The following SCAPER variants were observed in gnomAD, a reference collection of about 807,000 sequenced individuals.
The protein encoded by SCAPER is S phase cyclin A-associated protein in the endoplasmic reticulum.
SCAPER carries 98 observed loss-of-function variants against 182.2 expected under a neutral mutation model. The ratio of observed to expected loss-of-function variants is 0.54; its 90% confidence interval spans 0.46 to 0.64. The LOEUF (loss-of-function observed/expected upper bound fraction) is 0.64. Among genes scored for constraint, SCAPER ranks in the 30% least tolerant of loss-of-function variants. SCAPER has a pLI of 0.00. For missense variants in SCAPER, 1,432 were observed against 1,690.0 expected, an observed-to-expected ratio of 0.85 and a Z score of 2.68; for synonymous variants, 605 against 564.6, an observed-to-expected ratio of 1.07 and a Z score of -1.01.
chr15:76,805,373 T>A (rs566701692), intron 5 of SCAPER, among the ~76,000 whole-genome samples: 1 of 152,276 alleles, frequency 6.6e-6, no homozygotes, highest in East Asian at 1.9e-4. Context: ...CATTTTACAT[T>A]CCCAGCAGCA....
chr15:76,846,066 A>C (rs757470787), intron 4 of SCAPER, among the ~76,000 whole-genome samples: 1 of 152,148 alleles, frequency 6.6e-6, no homozygotes, highest in Non-Finnish European at 1.5e-5. Context: ...ACTTATTTTC[A>C]GCAAAGGTGC....
At chr15:76,820,557 G>A (rs2151643584) in intron 5 of SCAPER, among the ~76,000 whole-genome samples, 1 of 146,624 alleles carries the variant, frequency 6.8e-6, no homozygotes, top group Non-Finnish European at 1.5e-5. Context: ...TAAGGACACA[G>A]GAAGGGGAAC....
At chr15:76,697,411 ACCAT>A (rs1217616617) in intron 20 of SCAPER, among the ~76,000 whole-genome samples, 1 of 152,306 alleles carries the variant, frequency 6.6e-6, no homozygotes, top group Non-Finnish European at 1.5e-5. Flanking sequence ...CAAATCTCAA[ACCAT>A]AATGGCTAAA....
chr15:76,481,827 A>G (rs949720119), intron 24 of SCAPER, among the ~76,000 whole-genome samples: 6 of 152,350 alleles, frequency 3.9e-5, no homozygotes, highest in African/African-American at 1.4e-4. Context: ...AGCCTTTCAA[A>G]AATATGTCTG....
chr15:76,681,806 GACTC>G (rs2057724696), intron 20 of SCAPER, among the ~76,000 whole-genome samples: 4 of 152,188 alleles, frequency 2.6e-5, no homozygotes, highest in African/African-American at 9.7e-5. Flanking sequence ...GTAGGGGCAA[GACTC>G]CAGCCTGTTG....
intron 3 of SCAPER, among the ~76,000 whole-genome samples, chr15:76,860,891 A>G (rs2151878576): frequency 6.6e-6 from 1 of 152,330 alleles, no homozygotes; most frequent in South Asian, 2.1e-4. Flanking sequence ...CATGATTAGA[A>G]CATGTAAGGA....
At chr15:76,683,019 C>G (rs2057820052) in intron 20 of SCAPER, among the ~76,000 whole-genome samples, 1 of 152,096 alleles carries the variant, frequency 6.6e-6, no homozygotes, top group Non-Finnish European at 1.5e-5. Flanking sequence ...TCAAAAGTAC[C>G]ATATTAGTTC....
At chr15:76,584,250 T>A (rs960611753) in intron 22 of SCAPER, among the ~76,000 whole-genome samples, 7 of 152,000 alleles carry the variant, frequency 4.6e-5, no homozygotes, top group African/African-American at 1.7e-4. Flanking sequence ...AGAGAGTAGA[T>A]CGATGGTTAC....
chr15:76,703,320 T>C (rs557155694), intron 18 of SCAPER, among the ~76,000 whole-genome samples: 1 of 152,350 alleles, frequency 6.6e-6, no homozygotes, highest in South Asian at 2.1e-4. Context: ...AGTACGTCAC[T>C]GTGATATATG....
intron 1 of SCAPER, among the ~76,000 whole-genome samples, chr15:76,899,098 G>A (rs1009932416): frequency 9.9e-5 from 15 of 152,146 alleles, no homozygotes; most frequent in African/African-American, 3.6e-4. Flanking sequence ...ATAAAAATCT[G>A]TAACACTATC....
At chr15:76,692,044 T>C (rs1490645475) in intron 20 of SCAPER, among the ~76,000 whole-genome samples, 1 of 152,148 alleles carries the variant, frequency 6.6e-6, no homozygotes, top group Admixed American at 6.6e-5. Flanking sequence ...AGAGTCACTT[T>C]CCATAGTAAA....
intron 5 of SCAPER, among the ~76,000 whole-genome samples, chr15:76,822,065 T>A (rs1334155963): frequency 6.6e-6 from 1 of 152,196 alleles, no homozygotes; most frequent in Non-Finnish European, 1.5e-5. Context: ...CTACTCTGCA[T>A]ATTATTAAAA....
intron 21 of SCAPER, among the ~76,000 whole-genome samples, chr15:76,642,878 A>T (rs1469055318): frequency 6.6e-6 from 1 of 152,172 alleles, no homozygotes; most frequent in African/African-American, 2.4e-5. Context: ...TACTACCACT[A>T]GGGGGTAGTA....
intron 7 of SCAPER, among the ~76,000 whole-genome samples, chr15:76,798,346 C>T (rs957975852): frequency 1.5e-5 from 2 of 130,204 alleles, no homozygotes; most frequent in Non-Finnish European, 3.2e-5. Flanking sequence ...GGCAACAGAG[C>T]AAGACTATAT....
chr15:76,563,586 G>C (rs157757), intron 23 of SCAPER, among the ~76,000 whole-genome samples: 18,931 of 152,078 alleles, frequency 0.12, 1,298 homozygotes, highest in African/African-American at 0.19. Flanking sequence ...AGTCTATCAG[G>C]TATACAAAGA....
Position 76,623,177 on chromosome 15 carries a change from T to TGC in SCAPER, c.2646-1349_2646-1348insGC, listed in dbSNP as rs2052254892. ...ACCTTTGGATGCATAGTTTGTGAAATACTTTCTCCCATTCTGTAGGTTATC... is the reference window on the plus strand; with the variant it reads ...ACCTTTGGATGCATAGTTTGTGAAATGCACTTTCTCCCATTCTGTAGGTTATC... On this transcript the variant is annotated intron_variant, in intron 21 of 31. Coordinates refer to ENST00000563290, the MANE Select transcript of SCAPER (RefSeq NM_020843.4). Among the ~76,000 whole-genome samples, 13 of 152,344 alleles carry TGC rather than the reference T, an allele frequency of 8.5e-5. No individual in the cohort carries two copies. The South Asian group carries it at 2.7e-3, about 32-fold the overall frequency.
At chr15:76,654,349 A>G (rs2055434454) in intron 21 of SCAPER, among the ~76,000 whole-genome samples, 1 of 151,986 alleles carries the variant, frequency 6.6e-6, no homozygotes, top group Non-Finnish European at 1.5e-5. Context: ...CGGAGCTTGC[A>G]GTGAGCCGAG....
chr15:76,470,586 G>A (rs1203556842), intron 25 of SCAPER, among the ~76,000 whole-genome samples: 1 of 152,116 alleles, frequency 6.6e-6, no homozygotes, highest in Non-Finnish European at 1.5e-5. Flanking sequence ...TACCTCAGGG[G>A]CTTAGAAACT....
At chr15:76,650,335 T>C (rs949691517) in intron 21 of SCAPER, among the ~76,000 whole-genome samples, 1 of 151,668 alleles carries the variant, frequency 6.6e-6, no homozygotes, top group African/African-American at 2.4e-5. Flanking sequence ...AAAGATACTA[T>C]GCAAAAAACA....
Sources: gnomAD v4.1 joint callset for allele counts (sites outside exome capture counted in the v4.1 genomes callset) on GRCh38, gnomAD v4.1.1 for gene constraint, MANE v1.5 for transcripts, NCBI Gene and HGNC (gene_info 2026-07-23, HGNC 2026-07-21) for gene names.